JAKMIP1: variants seen among roughly 807,000 people sequenced by gnomAD.
JAKMIP1 encodes janus kinase and microtubule interacting protein 1.
In JAKMIP1, 33 loss-of-function variants were observed where a neutral mutation model predicts 113.0. That is an observed-to-expected ratio of 0.29 (90% CI 0.22 to 0.39). JAKMIP1 has a LOEUF of 0.39. JAKMIP1 is among the 10% of genes least tolerant of loss of function. The pLI, the probability that JAKMIP1 is intolerant of heterozygous loss-of-function variation, is 1.00. For missense variants in JAKMIP1, 813 were observed against 1,080.5 expected (o/e 0.75, Z 3.47); for synonymous variants, 480 against 459.9 (o/e 1.04, Z -0.56).
At position 6,197,385 on chromosome 4, in the gene JAKMIP1, T is replaced by C. The variant is rs1727965850; in HGVS notation, c.-148+2868A>G. On this transcript the variant is annotated intron_variant, in intron 1 of 20. Coordinates refer to ENST00000409021, the MANE Select transcript of JAKMIP1 (RefSeq NM_001099433.2). The surrounding 1 kb of genome is among the most constrained non-coding windows in gnomAD (Gnocchi z 6.5). Reference sequence around the variant, plus strand: ...TCTGTGACAAGGCTAAATGAATAAATATTCTCATAGCTTCTTCACCATCAT... The same window carrying C: ...TCTGTGACAAGGCTAAATGAATAAACATTCTCATAGCTTCTTCACCATCAT... Among the ~76,000 whole-genome samples the C allele has an allele frequency of 6.6e-6, 1 of 152,120 alleles. No homozygotes were observed.
At chr4:6,110,353 C>T (rs1008180711) in intron 2 of JAKMIP1, among the ~76,000 whole-genome samples, 2 of 151,992 alleles carry the variant, frequency 1.3e-5, no homozygotes, top group Non-Finnish European at 2.9e-5. Flanking sequence ...GGAGCCAATC[C>T]TGACACCTGG....
rs1454227615 is a variant in JAKMIP1, at chr4:6,193,683, C to T, written c.-148+6570G>A. ...TGCTCTTGCTTGGAAAATGAGGAGC[C>T]GACAACCATTCTGCAGGTTTCAAGG... On this transcript the variant is annotated intron_variant, in intron 1 of 20. Coordinates refer to ENST00000409021, the MANE Select transcript of JAKMIP1 (RefSeq NM_001099433.2). The surrounding 1 kb of genome is among the most constrained non-coding windows in gnomAD (Gnocchi z 6.4). Among the ~76,000 whole-genome samples the T allele has an allele frequency of 6.6e-5, 10 of 152,172 alleles. No individual in the cohort carries two copies. Among genetic ancestry groups the T allele is most frequent in the African/African-American group, 2.2e-4 (9 of 41,436 alleles).
At position 6,027,331 on chromosome 4, in the gene JAKMIP1, G is replaced by A. The variant is rs567594800; in HGVS notation, c.2446-1053C>T. Reference sequence around the variant, plus strand: ...AACTAACAGCCATCAACTTCTAAACGAGGTGTAGGATCATTGGAAGTCAGA... The same window carrying A: ...AACTAACAGCCATCAACTTCTAAACAAGGTGTAGGATCATTGGAAGTCAGA... On this transcript the variant is annotated intron_variant, in intron 20 of 20. Coordinates refer to ENST00000409021, the MANE Select transcript of JAKMIP1 (RefSeq NM_001099433.2). 2.3e-3 allele frequency among the ~76,000 whole-genome samples: 345 copies of A among 152,244 alleles called. 1 individual carries two copies. The highest frequency in any genetic ancestry group is 7.3e-3 in the African/African-American group (305 of 41,544).
In JAKMIP1 at chr4:6,051,069, C is replaced by G. The variant is rs562724593; in HGVS notation, c.1807-390G>C. Among the ~76,000 whole-genome samples the G allele has an allele frequency of 1.6e-4, 24 of 152,334 alleles. No homozygotes were observed. Among genetic ancestry groups the G allele is most frequent in the Non-Finnish European group, 7.3e-5 (5 of 68,034 alleles). On this transcript the variant is annotated intron_variant, in intron 13 of 20. Coordinates refer to ENST00000409021, the MANE Select transcript of JAKMIP1 (RefSeq NM_001099433.2). The surrounding 1 kb of genome is among the most constrained non-coding windows in gnomAD (Gnocchi z 5.0). ...CTCTGTGCCAGGCACACCACTCTCCCGTCTAATCCTCACACTACCCCAGGA... is the reference window on the plus strand; with the variant it reads ...CTCTGTGCCAGGCACACCACTCTCCGGTCTAATCCTCACACTACCCCAGGA...
chr4:6,146,957 G>T (rs960763659), intron 1 of JAKMIP1, among the ~76,000 whole-genome samples: 2 of 151,560 alleles, frequency 1.3e-5, no homozygotes, highest in African/African-American at 2.4e-5. Flanking sequence ...GCCTAATTCA[G>T]TTTTTTTTTG....
rs934734849 is a variant in JAKMIP1, at chr4:6,137,428, C to T, written c.-147-24431G>A. On this transcript the variant is annotated intron_variant, in intron 1 of 20. Coordinates refer to ENST00000409021, the MANE Select transcript of JAKMIP1 (RefSeq NM_001099433.2). The surrounding 1 kb of genome is among the most constrained non-coding windows in gnomAD (Gnocchi z 4.5). ...GCTCTGGCCCATGGAACCTTAATCA[C>T]GTCACACCTGATACAGTTCCTGAAA... 3.3e-5 allele frequency among the ~76,000 whole-genome samples: 5 copies of T among 152,220 alleles called. No individual in the cohort carries two copies. The highest frequency in any genetic ancestry group is 9.6e-5 in the African/African-American group (4 of 41,470).
rs1258804059 is a variant in JAKMIP1, at chr4:6,186,942, C to T, written c.-148+13311G>A. On this transcript the variant is annotated intron_variant, in intron 1 of 20. Transcript: ENST00000409021. This position sits in a 1 kb window ranked among gnomAD's most constrained non-coding sequence, Gnocchi z 5.5. ...TCCCCAGGCTCAGGTGATCCTCTCA[C>T]CTCAGCCTCCTAAGTAGCTGGGACT... 6.6e-6 allele frequency among the ~76,000 whole-genome samples: 1 copy of T among 152,158 alleles called. No individual in the cohort carries two copies. The highest frequency in any genetic ancestry group is 6.5e-5 in the Admixed American group (1 of 15,278).
In JAKMIP1 at chr4:6,116,701, A is replaced by G. The variant is rs1339737225; in HGVS notation, c.-147-3704T>C. On this transcript the variant is annotated intron_variant, in intron 1 of 20. Coordinates refer to ENST00000409021, the MANE Select transcript of JAKMIP1 (RefSeq NM_001099433.2). This position sits in a 1 kb window ranked among gnomAD's most constrained non-coding sequence, Gnocchi z 5.1. ...GTGCCGGTGCCCTTTAACTGCCTAC[A>G]GGAAATTAATATACCGGGCATGCAG... Among the ~76,000 whole-genome samples the G allele has an allele frequency of 6.6e-6, 1 of 152,248 alleles. No homozygotes were observed. The highest frequency in any genetic ancestry group is 2.4e-5 in the African/African-American group (1 of 41,476).
intron 1 of JAKMIP1, among the ~76,000 whole-genome samples, chr4:6,175,611 G>C (rs922161055): frequency 6.6e-6 from 1 of 152,148 alleles, no homozygotes; most frequent in East Asian, 1.9e-4. Context: ...TTCAGCTGAG[G>C]ACTCACTCCA....
At position 6,162,605 on chromosome 4, in the gene JAKMIP1, C is replaced by T. The variant is rs1240783011; in HGVS notation, c.-148+37648G>A. Among the ~76,000 whole-genome samples the T allele has an allele frequency of 2.6e-5, 4 of 152,236 alleles. No homozygotes were observed. The highest frequency in any genetic ancestry group is 7.2e-5 in the African/African-American group (3 of 41,466). The stretch of plus-strand genomic sequence containing the variant: ...TGTCAACAGGGCAAAGGCACCATCT[C>T]GTTCAACCTGCCAAGCTCAGTGTGG... On this transcript the variant is annotated intron_variant, in intron 1 of 20. Transcript: ENST00000409021. The surrounding 1 kb of genome is among the most constrained non-coding windows in gnomAD (Gnocchi z 5.6).
rs6833605 is a variant in JAKMIP1 at position 6,092,247 on chromosome 4, G to A, written c.625-6618C>T. 3.9e-3 allele frequency among the ~76,000 whole-genome samples: 594 copies of A among 152,278 alleles called. 9 individuals are homozygous for A. The highest frequency in any genetic ancestry group is 0.013 in the African/African-American group (554 of 41,542). ...GCCAGCCCACAGCCTGCATGCAGAG[G>A]AGCCCTGTACTGTCAGTGAGAGGGG... On this transcript the variant is annotated intron_variant, in intron 3 of 20. Coordinates refer to ENST00000409021, the MANE Select transcript of JAKMIP1 (RefSeq NM_001099433.2).
In JAKMIP1 at chr4:6,184,011, A is replaced by G. The variant is rs1017367110; in HGVS notation, c.-148+16242T>C. On this transcript the variant is annotated intron_variant, in intron 1 of 20. Transcript: ENST00000409021. The surrounding 1 kb of genome is among the most constrained non-coding windows in gnomAD (Gnocchi z 4.5). ...TCGTTTTGAAAGTTGAATTCATCAG[A>G]GCAACCTCACTGTCCTCACTGACTG... Among the ~76,000 whole-genome samples, 1 of 152,252 alleles carries G rather than the reference A, an allele frequency of 6.6e-6. No individual in the cohort carries two copies. Among genetic ancestry groups the G allele is most frequent in the Non-Finnish European group, 1.5e-5 (1 of 68,040 alleles).
chr4:6,042,063 A>T lies in JAKMIP1; in HGVS notation c.2097+96T>A. On this transcript the variant is annotated intron_variant, in intron 17 of 20. Transcript: ENST00000409021. The surrounding 1 kb of genome is among the most constrained non-coding windows in gnomAD (Gnocchi z 5.2). Reference sequence around the variant, plus strand: ...AAAGCAAAATTGAGAAATGCATGCAAATCATTAGGAAAACACATGCAAAGC... The same window carrying T: ...AAAGCAAAATTGAGAAATGCATGCATATCATTAGGAAAACACATGCAAAGC... The T allele has an allele frequency of 9.9e-7, 1 of 1,005,264 alleles. No homozygotes were observed. The highest frequency in any genetic ancestry group is 1.5e-6 in the Non-Finnish European group (1 of 647,314). The allele number at this position is 1,005,264 out of a possible 1,614,324, so 62.3% of individuals were successfully genotyped here.
At chr4:6,062,238 T>A (rs1356925422) in intron 10 of JAKMIP1, 74 bp downstream of exon 10, 2 of 1,535,814 alleles carry the variant, frequency 1.3e-6, no homozygotes, top group African/African-American at 2.7e-5. Flanking sequence ...CCAGGGTATG[T>A]CACACTTCTG....
chr4:6,131,779 A>G (rs574070233), intron 1 of JAKMIP1, among the ~76,000 whole-genome samples: 1 of 152,336 alleles, frequency 6.6e-6, no homozygotes, highest in African/African-American at 2.4e-5. Flanking sequence ...CCATGCAAGC[A>G]AGAAAGAGGA....
rs114235837 is a variant in JAKMIP1, at chr4:6,090,883, C to A, written c.625-5254G>T. On this transcript the variant is annotated intron_variant, in intron 3 of 20. Transcript: ENST00000409021. The stretch of plus-strand genomic sequence containing the variant: ...ATGCCCTTAGAGTGTCAAAACCCCA[C>A]GTTGACCATGACGTCCTTAGAGTGT... 5.6e-3 allele frequency among the ~76,000 whole-genome samples: 858 copies of A among 152,018 alleles called. 9 individuals carry two copies. The highest frequency in any genetic ancestry group is 0.02 in the African/African-American group (816 of 41,438).
chr4:6,075,306 G>A (rs1029454099), intron 8 of JAKMIP1, among the ~76,000 whole-genome samples: 8 of 152,172 alleles, frequency 5.3e-5, no homozygotes, highest in African/African-American at 1.9e-4. Flanking sequence ...AAAGCCAAGT[G>A]TACTGAATGC....
At chr4:6,122,317 C>A (rs1005993549) in intron 1 of JAKMIP1, among the ~76,000 whole-genome samples, 3 of 151,964 alleles carry the variant, frequency 2.0e-5, no homozygotes, top group East Asian at 3.9e-4. Flanking sequence ...CAGAGTGAGA[C>A]CCTGTCTCAA....
chr4:6,058,788 G>A (rs1249485362), intron 11 of JAKMIP1, among the ~76,000 whole-genome samples: 1 of 152,176 alleles, frequency 6.6e-6, no homozygotes, highest in Non-Finnish European at 1.5e-5. Context: ...ATTTTTCCTT[G>A]CAGTGCCAAG....
Sources: allele counts gnomAD v4.1 joint callset (sites outside exome capture counted in the v4.1 genomes callset), GRCh38; gene constraint gnomAD v4.1.1; non-coding constraint Gnocchi (gnomAD v3.1); transcripts MANE v1.5; gene names NCBI Gene and HGNC (gene_info 2026-07-23, HGNC 2026-07-21).